Variants in PLCG1 observed in about 807,000 individuals in gnomAD.
PLCG1 encodes phospholipase C gamma 1, also known as 1-phosphatidylinositol 4,5-bisphosphate phosphodiesterase gamma-1.
In PLCG1, 71 loss-of-function variants were observed where a neutral mutation model predicts 177.8. The ratio of observed to expected loss-of-function variants is 0.40; its 90% CI spans 0.33 to 0.49. PLCG1 has a LOEUF of 0.49. Ranked by LOEUF, PLCG1 falls within the 20% of genes least tolerant of loss-of-function variation. The probability of loss-of-function intolerance (pLI) is 0.72; values close to 1 mark genes in which losing one functional copy is unlikely to be tolerated. For missense variants in PLCG1, 1,281 were observed against 1,709.0 expected, an observed-to-expected ratio of 0.75 and a Z score of 4.42; for synonymous variants, 658 against 647.9, an observed-to-expected ratio of 1.02 and a Z score of -0.24.
At position 41,167,201 on chromosome 20, in the gene PLCG1, G is replaced by A. The variant is rs34794490; in HGVS notation, c.2301+342G>A. On this transcript the variant is annotated intron_variant, in intron 19 of 31. Coordinates refer to ENST00000685551, the MANE Select transcript of PLCG1 (RefSeq NM_002660.3). This position sits in a 1 kb window ranked among gnomAD's most constrained non-coding sequence, Gnocchi z 4.4. Reference sequence around the variant, plus strand: ...CTGGACTCTGTCCTAGGGCAGATGAGATGAGGCTACCCAAGAGTGGTTGTG... The same window carrying A: ...CTGGACTCTGTCCTAGGGCAGATGAAATGAGGCTACCCAAGAGTGGTTGTG... 6.6e-6 allele frequency among the ~76,000 whole-genome samples: 1 copy of A among 152,206 alleles called. No individual in the cohort carries two copies. The highest frequency in any genetic ancestry group is 2.4e-5 in the African/African-American group (1 of 41,448).
At chr20:41,149,539 CTT>C (rs1354639033) in intron 1 of PLCG1, among the ~76,000 whole-genome samples, 1 of 152,184 alleles carries the variant, frequency 6.6e-6, no homozygotes, top group African/African-American at 2.4e-5. Flanking sequence ...GAGGAGTTGT[CTT>C]TGAGACGTTT....
In PLCG1 at chr20:41,172,718, G is replaced by C; in HGVS notation, c.3131-11G>C. The stretch of plus-strand genomic sequence containing the variant: ...GCTGGACTGGAATACACCATAATCT[G>C]CCTCTTCCAGACAAGCCTATGCAGA... On this transcript the variant is annotated splice_polypyrimidine_tract_variant and intron_variant, in intron 26 of 31. Transcript: ENST00000685551. This position sits in a 1 kb window ranked among gnomAD's most constrained non-coding sequence, Gnocchi z 7.0. 6.2e-7 allele frequency: 1 copy of C among 1,613,446 alleles called. No individual in the cohort carries two copies. The highest frequency in any genetic ancestry group is 1.1e-5 in the South Asian group (1 of 91,048).
Position 41,153,593 on chromosome 20 carries a change from C to G in PLCG1, c.218-6013C>G, listed in dbSNP as rs2035230133. 6.6e-6 allele frequency among the ~76,000 whole-genome samples: 1 copy of G among 152,156 alleles called. No individual in the cohort carries two copies. Among genetic ancestry groups the G allele is most frequent in the African/African-American group, 2.4e-5 (1 of 41,414 alleles). ...GTATGCACTTTATAAAGGGAAAACC[C>G]TCTCTGAAGAGAAATATTTCAGACA... On this transcript the variant is annotated intron_variant, in intron 1 of 31. Transcript: ENST00000685551. This position sits in a 1 kb window ranked among gnomAD's most constrained non-coding sequence, Gnocchi z 5.1.
intron 1 of PLCG1, among the ~76,000 whole-genome samples, chr20:41,158,186 C>T (rs1038637198): frequency 6.6e-6 from 1 of 152,054 alleles, no homozygotes; most frequent in African/African-American, 2.4e-5. Context: ...GCTAGAGGGA[C>T]AGGACAGGAA....
At position 41,173,875 on chromosome 20, in the gene PLCG1, C is replaced by T. The variant is rs778042598; in HGVS notation, c.3557-48C>T. The stretch of plus-strand genomic sequence containing the variant: ...TTGCTGGCAGGGTGGGGCTGGGCCC[C>T]TTGCTCTGTCCCTCGTGGGCTGAGG... On this transcript the variant is annotated intron_variant, in intron 29 of 31. Coordinates refer to ENST00000685551, the MANE Select transcript of PLCG1 (RefSeq NM_002660.3). The surrounding 1 kb of genome is among the most constrained non-coding windows in gnomAD (Gnocchi z 6.2). The T allele has an allele frequency of 1.2e-6, 2 of 1,611,524 alleles. No individual in the cohort carries two copies. Among genetic ancestry groups the T allele is most frequent in the Non-Finnish European group, 1.7e-6 (2 of 1,177,854 alleles).
Position 41,160,615 on chromosome 20 carries a change from T to C in PLCG1, c.512+462T>C, listed in dbSNP as rs2035464121. Among the ~76,000 whole-genome samples, 1 of 152,192 alleles carries C rather than the reference T, an allele frequency of 6.6e-6. No individual in the cohort carries two copies. Among genetic ancestry groups the C allele is most frequent in the African/African-American group, 2.4e-5 (1 of 41,450 alleles). On this transcript the variant is annotated intron_variant, in intron 4 of 31. Coordinates refer to ENST00000685551, the MANE Select transcript of PLCG1 (RefSeq NM_002660.3). The surrounding 1 kb of genome is among the most constrained non-coding windows in gnomAD (Gnocchi z 5.5). ...GGAAGGGTTCTGAGGAGAGGAGTGA[T>C]GTGACCTGACTTGGGTTACTCAAGA... is the stretch of plus-strand genomic sequence containing the variant.
rs903020027 is a variant in PLCG1 at position 41,150,293 on chromosome 20, C to T, written c.218-9313C>T. Reference sequence around the variant, plus strand: ...ACAAGCTTGGGCAACATAGTGAGACCCCATCTCTATAAAATATAAAGAAAA... The same window carrying T: ...ACAAGCTTGGGCAACATAGTGAGACTCCATCTCTATAAAATATAAAGAAAA... On this transcript the variant is annotated intron_variant, in intron 1 of 31. Transcript: ENST00000685551. The surrounding 1 kb of genome is among the most constrained non-coding windows in gnomAD (Gnocchi z 4.0). 6.6e-5 allele frequency among the ~76,000 whole-genome samples: 10 copies of T among 152,066 alleles called. No individual in the cohort carries two copies. The highest frequency in any genetic ancestry group is 2.4e-4 in the African/African-American group (10 of 41,392).
intron 21 of PLCG1, 31 bp downstream of exon 21, chr20:41,168,901 C>T (rs374353811): frequency 2.7e-6 from 4 of 1,471,692 alleles, no homozygotes; most frequent in Non-Finnish European, 3.8e-6. Context: ...GCCCAGAGTC[C>T]AAGGGCCCCA....
chr20:41,167,907 C>T lies in PLCG1; in HGVS notation c.2357C>T (p.Ala786Val). Residue 786 changes from alanine (A) to valine (V), a missense_variant, in exon 20 of 32, where the codon GCA (alanine) becomes GTA (valine). By Grantham distance (64) the Ala-to-Val change is moderately conservative. Coordinates refer to ENST00000685551, the MANE Select transcript of PLCG1 (RefSeq NM_002660.3). The surrounding 1 kb of genome is among the most constrained non-coding windows in gnomAD (Gnocchi z 4.4). ...EGRNPGFYVE[A>V]NPMPTFKCAV... is the part of the protein sequence containing the mutation. ...CGCAACCCTGGCTTCTATGTAGAGG[C>T]AAACCCTATGCCAACTTTCAAGGTA... The T allele has an allele frequency of 6.2e-7, 1 of 1,613,544 alleles. No homozygotes were observed. The highest frequency in any genetic ancestry group is 8.5e-7 in the Non-Finnish European group (1 of 1,179,574).
rs146194375 is a variant in PLCG1 at position 41,172,799 on chromosome 20, C to T, written c.3201C>T (p.Ser1067=). The T allele has an allele frequency of 1.7e-4, 273 of 1,614,038 alleles. No homozygotes were observed. Among genetic ancestry groups the T allele is most frequent in the Non-Finnish European group, 2.2e-4 (262 of 1,180,030 alleles). The part of the protein sequence containing the change: ...GRHCGYVLQP[S]TMRDEAFDPF... ...ACTGTGGCTACGTGCTGCAGCCAAG[C>T]ACCATGCGGGATGAGGCCTTCGACC... Residue 1067 remains serine, a synonymous_variant, in exon 27 of 32, where the codon AGC becomes AGT. Coordinates refer to ENST00000685551, the MANE Select transcript of PLCG1 (RefSeq NM_002660.3). This position sits in a 1 kb window ranked among gnomAD's most constrained non-coding sequence, Gnocchi z 7.0.
chr20:41,158,177 C>T (rs2035381448), intron 1 of PLCG1, among the ~76,000 whole-genome samples: 1 of 152,024 alleles, frequency 6.6e-6, no homozygotes, highest in Admixed American at 6.5e-5. Context: ...GTGACAGTTG[C>T]TAGAGGGACA....
chr20:41,167,399 G>C lies in PLCG1; in HGVS notation c.2302-453G>C, dbSNP rs920299648. ...CTGCTGTCGTCAGTAGACAGGGCTG[G>C]CTGGGGAGAGAGAGGCCTGTTGTCC... On this transcript the variant is annotated intron_variant, in intron 19 of 31. Coordinates refer to ENST00000685551, the MANE Select transcript of PLCG1 (RefSeq NM_002660.3). The surrounding 1 kb of genome is among the most constrained non-coding windows in gnomAD (Gnocchi z 4.4). Among the ~76,000 whole-genome samples, 6 of 152,190 alleles carry C rather than the reference G, an allele frequency of 3.9e-5. No homozygotes were observed. Among genetic ancestry groups the C allele is most frequent in the Middle Eastern group, 6.3e-3 (2 of 316 alleles).
chr20:41,173,638 C>G lies in PLCG1; in HGVS notation c.3395-14C>G, dbSNP rs748453837. On this transcript the variant is annotated splice_polypyrimidine_tract_variant and intron_variant, in intron 28 of 31. Transcript: ENST00000685551. This position sits in a 1 kb window ranked among gnomAD's most constrained non-coding sequence, Gnocchi z 6.2. ...CCCACGGTGACCTGAAGCCTTTTGT[C>G]GTTGCCTTCACAGTGGACAATGGAC... The G allele has an allele frequency of 1.9e-6, 3 of 1,614,150 alleles. No homozygotes were observed. Among genetic ancestry groups the G allele is most frequent in the Non-Finnish European group, 2.5e-6 (3 of 1,180,020 alleles).
chr20:41,162,421 GAGACCAC>G (rs780604745), intron 4 of PLCG1, 24 bp from the exon 5 acceptor site: 115 of 1,562,256 alleles, frequency 7.4e-5, no homozygotes, highest in Non-Finnish European at 9.8e-5. Context: ...GAAGCTGGAT[GAGACCAC>G]TGGGGATGTC....
rs986826230 is a variant in PLCG1, at chr20:41,174,693, C to T, written c.*184C>T. The T allele has an allele frequency of 3.2e-6, 2 of 618,538 alleles. No homozygotes were observed. The highest frequency in any genetic ancestry group is 1.8e-5 in the African/African-American group (1 of 54,408). 38.3% of individuals were successfully genotyped at this position (618,538 alleles called of 1,614,324 possible). A position where few individuals can be genotyped will look rare whatever the true frequency, so the allele number is the denominator to read the frequency against. ...ATGAGATGTTATTACTGTTTTGGGC[C>T]TCCATGCCCCAGCTCTGGATGAAGG... is the stretch of plus-strand genomic sequence containing the variant. On this transcript the variant is annotated 3_prime_UTR_variant, in exon 32 of 32. Transcript: ENST00000685551. The surrounding 1 kb of genome is among the most constrained non-coding windows in gnomAD (Gnocchi z 5.8).
At chr20:41,139,304 A>G (rs897221502) in intron 1 of PLCG1, among the ~76,000 whole-genome samples, 1 of 152,208 alleles carries the variant, frequency 6.6e-6, no homozygotes, top group Admixed American at 6.5e-5. Context: ...AAGAATCGAC[A>G]CTGCAAAGAG....
chr20:41,142,057 A>G (rs577181516), intron 1 of PLCG1, among the ~76,000 whole-genome samples: 3 of 152,276 alleles, frequency 2.0e-5, no homozygotes, highest in Non-Finnish European at 4.4e-5. Context: ...TTATTGAGAC[A>G]TGGTTTGTGC....
In PLCG1 at chr20:41,147,740, C is replaced by T. The variant is rs180773362; in HGVS notation, c.217+9882C>T. 1.3e-5 allele frequency among the ~76,000 whole-genome samples: 2 copies of T among 152,050 alleles called. No homozygotes were observed. The highest frequency in any genetic ancestry group is 2.4e-5 in the African/African-American group (1 of 41,372). On this transcript the variant is annotated intron_variant, in intron 1 of 31. Transcript: ENST00000685551. This position sits in a 1 kb window ranked among gnomAD's most constrained non-coding sequence, Gnocchi z 4.0. ...GTCAGGCGCCTGTAACCCAGCTACT[C>T]AGGAAGCTGAGGCAGGATAATTGCT...
At position 41,163,215 on chromosome 20, in the gene PLCG1, G is replaced by T; in HGVS notation, c.729G>T (p.Arg243=). 1 of 1,545,970 alleles carries T rather than the reference G, an allele frequency of 6.5e-7. No individual in the cohort carries two copies. The highest frequency in any genetic ancestry group is 8.7e-7 in the Non-Finnish European group (1 of 1,148,292). ...LEASTLRAGE[R]PELCRVSLPE... is the part of the protein sequence containing the mutation. Reference sequence around the variant, plus strand: ...TCTCTCCCTGCAGGGCTGGGGAGCGGCCGGAGCTTTGCCGAGTGTCCCTTC... The same window carrying T: ...TCTCTCCCTGCAGGGCTGGGGAGCGTCCGGAGCTTTGCCGAGTGTCCCTTC... Residue 243 remains arginine, a synonymous_variant, in exon 8 of 32, where the codon CGG becomes CGT. Transcript: ENST00000685551. This position sits in a 1 kb window ranked among gnomAD's most constrained non-coding sequence, Gnocchi z 5.2.
Sources: allele counts gnomAD v4.1 joint callset (sites outside exome capture counted in the v4.1 genomes callset), GRCh38; gene constraint gnomAD v4.1.1; non-coding constraint Gnocchi (gnomAD v3.1); transcripts MANE v1.5; gene names NCBI Gene and HGNC (gene_info 2026-07-23, HGNC 2026-07-21).